COL19A1: variants seen among roughly 807,000 people sequenced by gnomAD.
COL19A1 encodes collagen alpha-1(XIX) chain.
Under a neutral mutation model 190.2 loss-of-function variants are expected in COL19A1, and 159 were observed. That is an observed-to-expected ratio of 0.84 (90% CI 0.73 to 0.95). The LOEUF (loss-of-function observed/expected upper bound fraction) is 0.95, where lower values mean the gene tolerates loss of function less well. Ranked by LOEUF, COL19A1 falls within the 40% of genes least tolerant of loss-of-function variation. The probability of loss-of-function intolerance (pLI) is 0.00; values close to 1 mark genes in which losing one functional copy is unlikely to be tolerated. For missense variants in COL19A1, 1,418 were observed against 1,431.9 expected (o/e 0.99, Z 0.16); for synonymous variants, 509 against 458.9 (o/e 1.11, Z -1.39).
At chr6:69,982,844 C>T (rs921420668) in intron 11 of COL19A1, among the ~76,000 whole-genome samples, 20 of 151,168 alleles carry the variant, frequency 1.3e-4, no homozygotes, top group Admixed American at 4.6e-4. Flanking sequence ...TGGTGGTGGG[C>T]GCCTGTAGTC....
At chr6:70,145,822 G>C (rs1786600675) in intron 25 of COL19A1, among the ~76,000 whole-genome samples, 1 of 148,090 alleles carries the variant, frequency 6.8e-6, no homozygotes, top group Non-Finnish European at 1.5e-5. Context: ...CGGGATTCAA[G>C]TGATCCTCCC....
chr6:69,888,959 G>A (rs977738759), intron 2 of COL19A1, among the ~76,000 whole-genome samples: 9 of 152,262 alleles, frequency 5.9e-5, no homozygotes, highest in African/African-American at 2.2e-4. Context: ...GATGTGTACA[G>A]GGGGGCTGAG....
chr6:69,875,230 C>T (rs1473276710), intron 1 of COL19A1, among the ~76,000 whole-genome samples: 1 of 152,146 alleles, frequency 6.6e-6, no homozygotes, highest in Non-Finnish European at 1.5e-5. Flanking sequence ...AGGTTGAAAA[C>T]AGCCTGGCAA....
At chr6:69,969,533 T>C (rs1775304294) in intron 11 of COL19A1, among the ~76,000 whole-genome samples, 1 of 151,956 alleles carries the variant, frequency 6.6e-6, no homozygotes. Flanking sequence ...AAAATAAATA[T>C]TGAGAAATAA....
intron 35 of COL19A1, 123 bp from the exon 36 acceptor site, chr6:70,163,220 C>T (rs1252971958): frequency 2.4e-6 from 2 of 835,474 alleles, no homozygotes; most frequent in South Asian, 3.4e-5. Context: ...ACATAAGCTT[C>T]TAGGGCTTAT....
intron 44 of COL19A1, among the ~76,000 whole-genome samples, chr6:70,183,709 G>T (rs1467405319): frequency 6.6e-6 from 1 of 152,166 alleles, no homozygotes; most frequent in African/African-American, 2.4e-5. Context: ...TGGTTGGGTT[G>T]TCAACTGTGA....
chr6:69,957,103 A>AT lies in COL19A1; in HGVS notation c.937-2885dup, dbSNP rs906335167. ...GCAAACTATAGCCCTAGGGAATGTG[A>AT]TTTTTTTTATCAAATGTCCTTCAGA... On this transcript the variant is annotated intron_variant, in intron 9 of 50. Coordinates refer to ENST00000620364, the MANE Select transcript of COL19A1 (RefSeq NM_001858.6). Among the ~76,000 whole-genome samples, 12 of 151,964 alleles carry AT rather than the reference A, an allele frequency of 7.9e-5. No individual in the cohort carries two copies. In the East Asian group the frequency reaches 1.2e-3, roughly 15 times the overall value.
rs1785952953 is a variant in COL19A1, at chr6:70,137,671, C to T, written c.1384-14C>T. 1 of 1,612,836 alleles carries T rather than the reference C, an allele frequency of 6.2e-7. No homozygotes were observed. Among genetic ancestry groups the T allele is most frequent in the Non-Finnish European group, 8.5e-7 (1 of 1,179,180 alleles). ...AACCATCTGCAAAATCTCTCTTCTG[C>T]TTTGTCTTGAAAGGGTGAAACTGGA... On this transcript the variant is annotated splice_polypyrimidine_tract_variant and intron_variant, in intron 18 of 50. Transcript: ENST00000620364.
intron 11 of COL19A1, among the ~76,000 whole-genome samples, chr6:69,989,244 C>T (rs1776474184): frequency 6.6e-6 from 1 of 152,164 alleles, no homozygotes; most frequent in East Asian, 1.9e-4. Context: ...AGAGTCAGTG[C>T]CTCCTCAATG....
intron 17 of COL19A1, among the ~76,000 whole-genome samples, chr6:70,123,663 A>C (rs1486776434): frequency 6.8e-6 from 1 of 146,226 alleles, no homozygotes; most frequent in South Asian, 2.2e-4. Flanking sequence ...TGTTAGGGAC[A>C]TGGATGAAAT....
intron 15 of COL19A1, among the ~76,000 whole-genome samples, chr6:70,082,482 G>A (rs997985526): frequency 1.3e-5 from 2 of 151,938 alleles, no homozygotes; most frequent in African/African-American, 4.8e-5. Flanking sequence ...GTGCGATCTT[G>A]GCTCACTGCA....
chr6:70,016,979 T>C (rs1214246620), intron 11 of COL19A1, among the ~76,000 whole-genome samples: 2 of 152,080 alleles, frequency 1.3e-5, no homozygotes, highest in African/African-American at 4.8e-5. Context: ...TACTTACCTA[T>C]TATGACCTAG....
intron 2 of COL19A1, among the ~76,000 whole-genome samples, chr6:69,896,502 A>T (rs1769763744): frequency 7.3e-6 from 1 of 136,960 alleles, no homozygotes; most frequent in Admixed American, 8.1e-5. Flanking sequence ...GCGCCACTGC[A>T]GTCCGCAGTC....
At chr6:70,023,951 T>C (rs1778589652) in intron 12 of COL19A1, among the ~76,000 whole-genome samples, 1 of 152,214 alleles carries the variant, frequency 6.6e-6, no homozygotes, top group South Asian at 2.1e-4. Context: ...CTTTTTTTTC[T>C]GTCTTTTTTC....
chr6:70,055,910 A>G lies in COL19A1; in HGVS notation c.1171-12513A>G, dbSNP rs566005599. 2.9e-4 allele frequency among the ~76,000 whole-genome samples: 43 copies of G among 147,166 alleles called. 1 individual carries two copies. The South Asian group carries it at 8.9e-3, about 31-fold the overall frequency. The stretch of plus-strand genomic sequence containing the variant: ...TGTTTCGGTTTGTTTTTTTTCTGGC[A>G]TTTCTAATTCTTTCTACTTTCCCTG... On this transcript the variant is annotated intron_variant, in intron 14 of 50. Transcript: ENST00000620364.
chr6:70,108,246 T>C (rs1462947097), intron 16 of COL19A1, among the ~76,000 whole-genome samples: 1 of 152,156 alleles, frequency 6.6e-6, no homozygotes, highest in Non-Finnish European at 1.5e-5. Context: ...TAATTTAAAA[T>C]TGTGTTATTA....
At chr6:70,051,367 T>C (rs1237122823) in intron 14 of COL19A1, among the ~76,000 whole-genome samples, 2 of 152,002 alleles carry the variant, frequency 1.3e-5, no homozygotes, top group Non-Finnish European at 2.9e-5. Context: ...GCAGAAGACA[T>C]GAAACTTCTG....
At chr6:70,047,357 A>G (rs1431304967) in intron 14 of COL19A1, among the ~76,000 whole-genome samples, 1 of 152,106 alleles carries the variant, frequency 6.6e-6, no homozygotes, top group Non-Finnish European at 1.5e-5. Flanking sequence ...AATAAGAAAA[A>G]TGTGTTTATC....
At chr6:70,177,130 G>T (rs1197352727) in intron 42 of COL19A1, among the ~76,000 whole-genome samples, 2 of 152,072 alleles carry the variant, frequency 1.3e-5, no homozygotes, top group Non-Finnish European at 2.9e-5. Context: ...AGTGTTCCAG[G>T]AAAGGTTGAA....
Sources: gnomAD v4.1 joint callset for allele counts (sites outside exome capture counted in the v4.1 genomes callset) on GRCh38, gnomAD v4.1.1 for gene constraint, MANE v1.5 for transcripts, NCBI Gene and HGNC (gene_info 2026-07-23, HGNC 2026-07-21) for gene names.